The following ABHD17A variants were observed in gnomAD, a reference collection of about 807,000 sequenced individuals.
ABHD17A encodes the protein abhydrolase domain containing 17A, depalmitoylase, also known as alpha/beta hydrolase domain-containing protein 17A.
In ABHD17A, 10 loss-of-function variants were observed where a neutral mutation model predicts 26.8. The ratio of observed to expected loss-of-function variants is 0.37; its 90% CI spans 0.23 to 0.63. ABHD17A has a LOEUF of 0.63. Ranked by LOEUF, ABHD17A falls within the 30% of genes least tolerant of loss-of-function variation. The pLI is 0.61. For missense variants in ABHD17A, 292 were observed against 457.3 expected (o/e 0.64, Z 3.30); for synonymous variants, 167 against 210.9 (o/e 0.79, Z 1.80).
chr19:1,876,903 A>G lies in ABHD17A; in HGVS notation c.*297T>C. On this transcript the variant is annotated 3_prime_UTR_variant, in exon 5 of 5. Coordinates refer to ENST00000292577, the MANE Select transcript of ABHD17A (RefSeq NM_001130111.2). ...AGGGACTCAGGGACGAAACCTGGGA[A>G]CCCCGGCCCCCTTTCGAGCTCGCTG... is the stretch of plus-strand genomic sequence containing the variant. 1 of 429,910 alleles carries G rather than the reference A, an allele frequency of 2.3e-6. No homozygotes were observed. Among genetic ancestry groups the G allele is most frequent in the South Asian group, 2.3e-5 (1 of 44,152 alleles). 26.6% of individuals were successfully genotyped at this position (429,910 alleles called of 1,614,324 possible). A position where few individuals can be genotyped will look rare whatever the true frequency, so the allele number is the denominator to read the frequency against.
In ABHD17A at chr19:1,885,411, C is replaced by G. The variant is rs1420759700; in HGVS notation, c.-298G>C. On this transcript the variant is annotated 5_prime_UTR_variant, in exon 1 of 5. Coordinates refer to ENST00000292577, the MANE Select transcript of ABHD17A (RefSeq NM_001130111.2). ...GCTCCATGGCTCCCGGCCGCCCGCCCGTGCGTCCGTCGGTCCCTCCGCACC... is the reference window on the plus strand; with the variant it reads ...GCTCCATGGCTCCCGGCCGCCCGCCGGTGCGTCCGTCGGTCCCTCCGCACC... The G allele has an allele frequency of 6.6e-6, 1 of 152,380 alleles. No individual in the cohort carries two copies. Among genetic ancestry groups the G allele is most frequent in the Non-Finnish European group, 1.5e-5 (1 of 67,944 alleles). 9.4% of individuals were successfully genotyped at this position (152,380 alleles called of 1,614,324 possible). A position where few individuals can be genotyped will look rare whatever the true frequency, so the allele number is the denominator to read the frequency against.
chr19:1,884,401 C>G (rs913677210), intron 1 of ABHD17A, among the ~76,000 whole-genome samples: 1 of 152,144 alleles, frequency 6.6e-6, no homozygotes, highest in Non-Finnish European at 1.5e-5. Flanking sequence ...CAAACCCAGA[C>G]GCCTCACTCA....
At chr19:1,884,665 G>A (rs1184465735) in intron 1 of ABHD17A, among the ~76,000 whole-genome samples, 1 of 152,158 alleles carries the variant, frequency 6.6e-6, no homozygotes, top group Non-Finnish European at 1.5e-5. Flanking sequence ...GGATGGGACA[G>A]AGGGACAAGC....
rs964703775 is a variant in ABHD17A, at chr19:1,881,709, C to T, written c.-143G>A. 465 of 1,245,082 alleles carry T rather than the reference C, an allele frequency of 3.7e-4. 1 individual carries two copies. Among genetic ancestry groups the T allele is most frequent in the Middle Eastern group, 1.5e-3 (5 of 3,426 alleles). The allele number at this position is 1,245,082 out of a possible 1,614,324, so 77.1% of individuals were successfully genotyped here. ...CCCCAGCTACCGCCCCAGACAGCAG[C>T]CCCGTTAGGAGGCCAGGGCCCAGCC... On this transcript the variant is annotated 5_prime_UTR_variant, in exon 2 of 5. Transcript: ENST00000292577.
At position 1,881,594 on chromosome 19, in the gene ABHD17A, A is replaced by T. The variant is rs1260009195; in HGVS notation, c.-28T>A. On this transcript the variant is annotated 5_prime_UTR_variant, in exon 2 of 5. Transcript: ENST00000292577. ...CGGGCGCCGCCCAGGCCGGGCCTCC[A>T]CCGGGGCCCCCGCCAACAACGCCGC... is the stretch of plus-strand genomic sequence containing the variant. 5 of 1,515,306 alleles carry T rather than the reference A, an allele frequency of 3.3e-6. No homozygotes were observed. Among genetic ancestry groups the T allele is most frequent in the Non-Finnish European group, 4.4e-6 (5 of 1,141,228 alleles). 93.9% of individuals were successfully genotyped at this position (1,515,306 alleles called of 1,614,324 possible).
rs766544733 is a variant in ABHD17A, at chr19:1,881,353, C to G, written c.214G>C (p.Glu72Gln). 3.7e-6 allele frequency: 6 copies of G among 1,609,400 alleles called. No individual in the cohort carries two copies. In the South Asian group the frequency reaches 5.5e-5, roughly 15 times the overall value. ...TGGCTGTACTGGAAGTCGGCACGCTCCGTCAGGTGCAGCTTCCAGCGCCCG... is the reference window on the plus strand; with the variant it reads ...TGGCTGTACTGGAAGTCGGCACGCTGCGTCAGGTGCAGCTTCCAGCGCCCG... Reference protein sequence around the residue: ...APGRWKLHLTERADFQYSQRE... With the variant: ...APGRWKLHLTQRADFQYSQRE... The change falls in exon 2 of 5, where the codon GAG (glutamate) becomes CAG (glutamine). Residue 72 changes from glutamate (E) to glutamine (Q), a missense_variant. By Grantham distance (29) the Glu-to-Gln change is conservative. Coordinates refer to ENST00000292577, the MANE Select transcript of ABHD17A (RefSeq NM_001130111.2).
At chr19:1,883,817 C>T (rs1039756506) in intron 1 of ABHD17A, 4 of 152,454 alleles carry the variant, frequency 2.6e-5, no homozygotes, top group Non-Finnish European at 4.4e-5. Context: ...GCAATGGAGC[C>T]GCTTCCCTCT....
At position 1,877,442 on chromosome 19, in the gene ABHD17A, G is replaced by C. The variant is rs757234051; in HGVS notation, c.708-17C>G. Reference sequence around the variant, plus strand: ...TTCTCGATGCTGCGGGAGGGTCGTGGAGCCGGTGAGACTTCGCGCCCGGCC... The same window carrying C: ...TTCTCGATGCTGCGGGAGGGTCGTGCAGCCGGTGAGACTTCGCGCCCGGCC... On this transcript the variant is annotated splice_polypyrimidine_tract_variant and intron_variant, in intron 4 of 4. Coordinates refer to ENST00000292577, the MANE Select transcript of ABHD17A (RefSeq NM_001130111.2). 1 of 1,564,668 alleles carries C rather than the reference G, an allele frequency of 6.4e-7. No individual in the cohort carries two copies. Among genetic ancestry groups the C allele is most frequent in the Non-Finnish European group, 8.6e-7 (1 of 1,162,234 alleles).
In ABHD17A at chr19:1,877,408, T is replaced by G. The variant is rs1345580562; in HGVS notation, c.725A>C (p.Lys242Thr). Residue 242 changes from lysine to threonine, a missense_variant, in exon 5 of 5, where the codon AAG becomes ACG. Lys to Thr is a moderately conservative substitution (Grantham distance 78). Transcript: ENST00000292577. ...DAFPNIEKVS[K>T]ITSPVLIIHG... is the part of the protein sequence containing the mutation. ...GATGATGAGCACGGGAGACGTGATCTTGGACACCTTCTCGATGCTGCGGGA... is the reference window on the plus strand; with the variant it reads ...GATGATGAGCACGGGAGACGTGATCGTGGACACCTTCTCGATGCTGCGGGA... 6.4e-7 allele frequency: 1 copy of G among 1,567,980 alleles called. No homozygotes were observed. The highest frequency in any genetic ancestry group is 8.6e-7 in the Non-Finnish European group (1 of 1,163,828).
At chr19:1,885,038 G>A (rs926396543) in intron 1 of ABHD17A, among the ~76,000 whole-genome samples, 1 of 152,190 alleles carries the variant, frequency 6.6e-6, no homozygotes, top group African/African-American at 2.4e-5. Context: ...AGCGTTTGTC[G>A]GACTGGGGGC....
rs2012480510 is a variant in ABHD17A, at chr19:1,880,088, A to G, written c.360T>C (p.Asn120=). 2 of 1,613,028 alleles carry G rather than the reference A, an allele frequency of 1.2e-6. No individual in the cohort carries two copies. The highest frequency in any genetic ancestry group is 1.1e-5 in the South Asian group (1 of 91,094). ...ARYTVLFSHG[N]AVDLGQMSSF... is the part of the protein sequence containing the mutation. ...TGCTCATCTGGCCCAGGTCCACGGC[A>G]TTGCCGTGCGAGAAGAGGACCGTGT... The change falls in exon 3 of 5, where the codon AAT becomes AAC. Residue 120 remains asparagine, a synonymous_variant. Transcript: ENST00000292577. This position sits in a 1 kb window ranked among gnomAD's most constrained non-coding sequence, Gnocchi z 4.1.
At position 1,880,108 on chromosome 19, in the gene ABHD17A, C is replaced by A; in HGVS notation, c.340G>T (p.Val114Phe). The change falls in exon 3 of 5, where the codon GTC becomes TTC. Residue 114 changes from valine to phenylalanine, a missense_variant. By Grantham distance (50) the Val-to-Phe change is conservative. This residue lies in a region of ABHD17A where 171 missense variants were observed against 216.1 expected (regional missense o/e 0.79). Coordinates refer to ENST00000292577, the MANE Select transcript of ABHD17A (RefSeq NM_001130111.2). This position sits in a 1 kb window ranked among gnomAD's most constrained non-coding sequence, Gnocchi z 4.1. ...VRCVPGARYT[V>F]LFSHGNAVDL... is the part of the protein sequence containing the mutation. ...ACGGCATTGCCGTGCGAGAAGAGGA[C>A]CGTGTACCTGGGACAGGCCGAGAAG... 1 of 1,613,002 alleles carries A rather than the reference C, an allele frequency of 6.2e-7. No homozygotes were observed. The highest frequency in any genetic ancestry group is 1.3e-5 in the African/African-American group (1 of 75,056).
rs1259614629 is a variant in ABHD17A at position 1,880,702 on chromosome 19, C to G, written c.332+533G>C. Among the ~76,000 whole-genome samples, 4 of 152,210 alleles carry G rather than the reference C, an allele frequency of 2.6e-5. No individual in the cohort carries two copies. Among genetic ancestry groups the G allele is most frequent in the Non-Finnish European group, 5.9e-5 (4 of 68,034 alleles). The stretch of plus-strand genomic sequence containing the variant: ...CATGCAGCCCCTCCTGGCCCACCAC[C>G]CTGCCCAAGCCCCAAGGCTGTGCTG... On this transcript the variant is annotated intron_variant, in intron 2 of 4. Coordinates refer to ENST00000292577, the MANE Select transcript of ABHD17A (RefSeq NM_001130111.2). The surrounding 1 kb of genome is among the most constrained non-coding windows in gnomAD (Gnocchi z 4.1).
chr19:1,881,062 T>C lies in ABHD17A; in HGVS notation c.332+173A>G, dbSNP rs759274102. The C allele has an allele frequency of 1.1e-5, 17 of 1,600,818 alleles. No individual in the cohort carries two copies. The African/African-American group carries it at 1.9e-4, about 18-fold the overall frequency. On this transcript the variant is annotated intron_variant, in intron 2 of 4. Transcript: ENST00000292577. ...TGGTGTCCTTGTCTGCGAGAGAAAATTGCCAGAGGGACGAGGCCGGCCTGA... is the reference window on the plus strand; with the variant it reads ...TGGTGTCCTTGTCTGCGAGAGAAAACTGCCAGAGGGACGAGGCCGGCCTGA...
rs1296545272 is a variant in ABHD17A at position 1,877,287 on chromosome 19, G to A, written c.846C>T (p.Ala282=). 3 of 1,534,422 alleles carry A rather than the reference G, an allele frequency of 2.0e-6. No homozygotes were observed. Among genetic ancestry groups the A allele is most frequent in the Non-Finnish European group, 1.7e-6 (2 of 1,144,952 alleles). The part of the protein sequence containing the change: ...KAVEPLWVEG[A]GHNDIELYSQ... ...TGTAGAGCTCGATGTCGTTGTGCCC[G>A]GCGCCCTCCACCCACAGCGGCTCCA... Residue 282 remains alanine (A), a synonymous_variant, in exon 5 of 5, where the codon GCC becomes GCT. Coordinates refer to ENST00000292577, the MANE Select transcript of ABHD17A (RefSeq NM_001130111.2).
chr19:1,880,112 G>A lies in ABHD17A; in HGVS notation c.336C>T (p.Tyr112=). ...CATTGCCGTGCGAGAAGAGGACCGTGTACCTGGGACAGGCCGAGAAGGGCC... is the reference window on the plus strand; with the variant it reads ...CATTGCCGTGCGAGAAGAGGACCGTATACCTGGGACAGGCCGAGAAGGGCC... ...MYVRCVPGAR[Y]TVLFSHGNAV... The change falls in exon 3 of 5, where the codon TAC becomes TAT. Residue 112 remains tyrosine, a synonymous_variant. Transcript: ENST00000292577. The surrounding 1 kb of genome is among the most constrained non-coding windows in gnomAD (Gnocchi z 4.1). 6.2e-7 allele frequency: 1 copy of A among 1,612,992 alleles called. No individual in the cohort carries two copies.
chr19:1,877,518 C>A lies in ABHD17A; in HGVS notation c.697G>T (p.Ala233Ser), dbSNP rs757198714. The A allele has an allele frequency of 4.4e-6, 7 of 1,594,744 alleles. No individual in the cohort carries two copies. The highest frequency in any genetic ancestry group is 2.2e-4 in the Middle Eastern group (1 of 4,458). The change falls in exon 4 of 5, where the codon GCC (alanine) becomes TCC (serine). Residue 233 changes from alanine to serine, a missense_variant. By Grantham distance (99) the Ala-to-Ser change is moderately conservative. This residue lies in a region of ABHD17A where 88 missense variants were observed against 134.3 expected (regional missense o/e 0.66). Transcript: ENST00000292577. Reference protein sequence around the residue: ...PDTKKTYCFDAFPNIEKVSKI... With the variant: ...PDTKKTYCFDSFPNIEKVSKI... ...GCCCGGGCCGCTCACTTAGGGAAGGCGTCGAAGCAGTAGGTCTTCTTGGTG... is the reference window on the plus strand; with the variant it reads ...GCCCGGGCCGCTCACTTAGGGAAGGAGTCGAAGCAGTAGGTCTTCTTGGTG...
Position 1,881,813 on chromosome 19 carries a change from G to T in ABHD17A, c.-238-9C>A. 2.0e-6 allele frequency: 1 copy of T among 502,820 alleles called. No individual in the cohort carries two copies. The highest frequency in any genetic ancestry group is 3.3e-6 in the Non-Finnish European group (1 of 303,372). The allele number at this position is 502,820 out of a possible 1,614,324, so 31.1% of individuals were successfully genotyped here. A position where few individuals can be genotyped will look rare whatever the true frequency, so the allele number is the denominator to read the frequency against. ...TCGTGCCGTGGGAAGCCCTGCGGGG[G>T]AACAGTGACATGTGGGGTCCTTTGG... On this transcript the variant is annotated splice_polypyrimidine_tract_variant and intron_variant, in intron 1 of 4. Coordinates refer to ENST00000292577, the MANE Select transcript of ABHD17A (RefSeq NM_001130111.2).
At chr19:1,881,095 T>C in intron 2 of ABHD17A, 140 bp downstream of exon 2, 2 of 1,576,110 alleles carry the variant, frequency 1.3e-6, no homozygotes, top group South Asian at 1.2e-5. Flanking sequence ...TGACGGGGGA[T>C]ACCACCCTTG....
Sources: allele counts gnomAD v4.1 joint callset (sites outside exome capture counted in the v4.1 genomes callset), GRCh38; gene constraint gnomAD v4.1.1; regional missense constraint gnomAD v4.1.1; non-coding constraint Gnocchi (gnomAD v3.1); transcripts MANE v1.5; gene names NCBI Gene and HGNC (gene_info 2026-07-23, HGNC 2026-07-21).